The following ITIH4 variants were observed in gnomAD, a reference collection of about 807,000 sequenced individuals.
The protein encoded by ITIH4 is inter-alpha-trypsin inhibitor heavy chain 4.
A neutral mutation model predicts 111.8 loss-of-function variants in ITIH4; 79 were observed. The ratio of observed to expected loss-of-function variants is 0.71; its 90% CI spans 0.59 to 0.85. ITIH4 has a LOEUF of 0.85. ITIH4 is among the 40% of genes least tolerant of loss of function. The pLI is 0.00. For missense variants in ITIH4, 1,065 were observed against 1,195.8 expected, an observed-to-expected ratio of 0.89 and a Z score of 1.61; for synonymous variants, 472 against 468.3, an observed-to-expected ratio of 1.01 and a Z score of -0.10.
rs1266296699 is a variant in ITIH4 at position 52,813,502 on chromosome 3, A to G, written c.2724-12T>C. 1.2e-6 allele frequency: 2 copies of G among 1,613,056 alleles called. No individual in the cohort carries two copies. The highest frequency in any genetic ancestry group is 1.3e-5 in the African/African-American group (1 of 74,894). On this transcript the variant is annotated splice_polypyrimidine_tract_variant and intron_variant, in intron 23 of 23. Transcript: ENST00000266041. ...CCAGCCTGCGCTCTCTGAAATGGAA[A>G]GACAGACAGATAGGCAGGTGGTCAG...
intron 1 of ITIH4, chr3:52,830,125 C>T (rs960536531): frequency 2.9e-6 from 1 of 348,794 alleles, no homozygotes; most frequent in African/African-American, 2.1e-5. Flanking sequence ...TTCATAGATA[C>T]AATGGGTTTG....
chr3:52,826,143 T>A, intron 5 of ITIH4, 129 bp from the exon 6 acceptor site: 1 of 1,309,918 alleles, frequency 7.6e-7, no homozygotes, highest in Non-Finnish European at 1.0e-6. Flanking sequence ...TCCAGGGCAC[T>A]TTCTTTCAGG....
chr3:52,825,023 C>T, intron 6 of ITIH4, 65 bp from the exon 7 acceptor site: 2 of 1,089,202 alleles, frequency 1.8e-6, no homozygotes, highest in South Asian at 1.4e-5. Context: ...CCATTCAGCC[C>T]CTTTACCCCA....
chr3:52,830,470 G>A lies in ITIH4; in HGVS notation c.90+83C>T, dbSNP rs527485357. On this transcript the variant is annotated intron_variant, in intron 1 of 23. Transcript: ENST00000266041. Reference sequence around the variant, plus strand: ...GATGCACACGCACTTGTGCTGACACGCTGGCACATGCGGAGGCTCTTCCCC... The same window carrying A: ...GATGCACACGCACTTGTGCTGACACACTGGCACATGCGGAGGCTCTTCCCC... 45 of 1,305,922 alleles carry A rather than the reference G, an allele frequency of 3.4e-5. No individual in the cohort carries two copies. The East Asian group carries it at 3.7e-4, about 11-fold the overall frequency. The allele number at this position is 1,305,922 out of a possible 1,614,324, so 80.9% of individuals were successfully genotyped here.
intron 21 of ITIH4, 120 bp downstream of exon 21, chr3:52,816,764 T>A (rs1700283386): frequency 5.3e-6 from 5 of 948,208 alleles, no homozygotes; most frequent in Non-Finnish European, 8.1e-6. Flanking sequence ...TCTTTGCCCC[T>A]CCTGTGAGTG....
Position 52,813,408 on chromosome 3 carries a change from C to T in ITIH4, c.*13G>A. ...CCAAGTGTACAGGGTGGGCACAGCTCCTTCCATCAGAACTACAGCTCCACA... is the reference window on the plus strand; with the variant it reads ...CCAAGTGTACAGGGTGGGCACAGCTTCTTCCATCAGAACTACAGCTCCACA... On this transcript the variant is annotated 3_prime_UTR_variant, in exon 24 of 24. Coordinates refer to ENST00000266041, the MANE Select transcript of ITIH4 (RefSeq NM_002218.5). 1.2e-6 allele frequency: 2 copies of T among 1,613,752 alleles called. No individual in the cohort carries two copies. Among genetic ancestry groups the T allele is most frequent in the Non-Finnish European group, 1.7e-6 (2 of 1,179,654 alleles).
intron 3 of ITIH4, 62 bp from the exon 4 acceptor site, chr3:52,827,015 G>A: frequency 1.2e-6 from 2 of 1,612,330 alleles, no homozygotes; most frequent in Non-Finnish European, 1.7e-6. Flanking sequence ...TGGTAGAGGT[G>A]GGAGCAGGAC....
At chr3:52,820,839 T>C in intron 12 of ITIH4, 54 bp from the exon 13 acceptor site, 1 of 1,567,918 alleles carries the variant, frequency 6.4e-7, no homozygotes, top group East Asian at 2.2e-5. Flanking sequence ...GGAACAGATT[T>C]TCCATCCAGC....
Position 52,823,651 on chromosome 3 carries a change from A to C in ITIH4, c.1444T>G (p.Phe482Val). The change falls in exon 11 of 24, where the codon TTC (phenylalanine) becomes GTC (valine). Residue 482 changes from phenylalanine to valine, a missense_variant. Coordinates refer to ENST00000266041, the MANE Select transcript of ITIH4 (RefSeq NM_002218.5). ...TCTGAGCCCTTGAAGAGGAGCCGGA[A>C]GTTGTTCTGAGTGACCTCCTCCACG... ...NAVEEVTQNNFRLLFKGSEMV... is the reference protein window; with the variant it reads ...NAVEEVTQNNVRLLFKGSEMV... The C allele has an allele frequency of 6.2e-7, 1 of 1,614,154 alleles. No homozygotes were observed. The highest frequency in any genetic ancestry group is 8.5e-7 in the Non-Finnish European group (1 of 1,180,014).
rs1488490293 is a variant in ITIH4, at chr3:52,813,233, G to A, written c.*188C>T. 1 of 613,102 alleles carries A rather than the reference G, an allele frequency of 1.6e-6. No homozygotes were observed. The highest frequency in any genetic ancestry group is 2.9e-5 in the Admixed American group (1 of 34,286). The allele number at this position is 613,102 out of a possible 1,614,324, so 38.0% of individuals were successfully genotyped here. On this transcript the variant is annotated 3_prime_UTR_variant, in exon 24 of 24. Transcript: ENST00000266041. The stretch of plus-strand genomic sequence containing the variant: ...GTTCCACGATGCTAAGGTTCAGGAT[G>A]CGAGGTTGAGGCCCTAGGATTTGGC...
Position 52,816,949 on chromosome 3 carries a change from C to G in ITIH4, c.2406G>C (p.Val802=). 1 of 1,614,068 alleles carries G rather than the reference C, an allele frequency of 6.2e-7. No individual in the cohort carries two copies. Among genetic ancestry groups the G allele is most frequent in the Non-Finnish European group, 8.5e-7 (1 of 1,179,974 alleles). Residue 802 remains valine, a synonymous_variant, in exon 21 of 24, where the codon GTG becomes GTC. Transcript: ENST00000266041. ...VWVHASPEHV[V]VTRNRRSSAY... is the part of the protein sequence containing the mutation. The stretch of plus-strand genomic sequence containing the variant: ...CAGAGCTTCTTCGGTTCCGAGTCAC[C>G]ACCACGTGTTCAGGGGATGCGTGAA...
chr3:52,814,863 C>T (rs559552142), intron 21 of ITIH4, among the ~76,000 whole-genome samples: 2 of 152,308 alleles, frequency 1.3e-5, no homozygotes, highest in Admixed American at 6.5e-5. Flanking sequence ...GGATTACAGG[C>T]GTGAGCCACC....
intron 12 of ITIH4, 102 bp downstream of exon 12, chr3:52,820,889 G>A: frequency 6.5e-7 from 1 of 1,548,850 alleles, no homozygotes; most frequent in South Asian, 1.2e-5. Flanking sequence ...CTGGAGCTTG[G>A]ACATGATGCC....
At chr3:52,823,763 A>G (rs760981471) in intron 10 of ITIH4, 22 bp from the exon 11 acceptor site, 1 of 1,613,986 alleles carries the variant, frequency 6.2e-7, no homozygotes, top group Non-Finnish European at 8.5e-7. Flanking sequence ...GGGGTGTCAT[A>G]AAGGCTGGGC....
chr3:52,814,685 C>A (rs1262701390), intron 21 of ITIH4, among the ~76,000 whole-genome samples: 1 of 152,112 alleles, frequency 6.6e-6, no homozygotes, highest in African/African-American at 2.4e-5. Context: ...CTCCTCGGCT[C>A]AAGTGATTCT....
chr3:52,826,135 CA>C, intron 5 of ITIH4, 121 bp from the exon 6 acceptor site: 2 of 1,378,806 alleles, frequency 1.5e-6, no homozygotes, highest in East Asian at 2.5e-5. Context: ...GTCCGTATTC[CA>C]GGGCACTTTC....
intron 20 of ITIH4, 41 bp downstream of exon 20, chr3:52,818,011 T>G (rs200732795): frequency 8.2e-6 from 12 of 1,459,184 alleles, no homozygotes; most frequent in African/African-American, 4.2e-5. Context: ...GGTGGGTGTG[T>G]GCCAGTGGTG....
rs532310437 is a variant in ITIH4 at position 52,825,901 on chromosome 3, G to C, written c.744C>G (p.Ser248=). 2 of 1,613,906 alleles carry C rather than the reference G, an allele frequency of 1.2e-6. 1 individual carries two copies. The highest frequency in any genetic ancestry group is 4.5e-5 in the East Asian group (2 of 44,878). The change falls in exon 6 of 24, where the codon TCC becomes TCG. Residue 248 remains serine, a synonymous_variant. Coordinates refer to ENST00000266041, the MANE Select transcript of ITIH4 (RefSeq NM_002218.5). ...GTCCACCCACCTGAATGGAGCCCCC[G>C]GAGATGGCCCGGTCCACATCATAGC... ...IIRYDVDRAI[S]GGSIQIENGY...
In ITIH4 at chr3:52,819,755, T is replaced by A. The variant is rs774122096; in HGVS notation, c.1950A>T (p.Gln650His). ...CCCTGGCAGAAACCCTCAAACTACC[T>A]TGTCTATTCCATCCTCTTCTTGGAG... is the stretch of plus-strand genomic sequence containing the variant. Reference protein sequence around the residue: ...SFSPRRGWNRQAGAAGSRMNF... With the variant: ...SFSPRRGWNRHAGAAGSRMNF... The change falls in exon 16 of 24, where the codon CAA becomes CAT. Residue 650 changes from glutamine to histidine, a missense_variant and splice_region_variant. Coordinates refer to ENST00000266041, the MANE Select transcript of ITIH4 (RefSeq NM_002218.5). The A allele has an allele frequency of 6.2e-7, 1 of 1,614,034 alleles. No homozygotes were observed. Among genetic ancestry groups the A allele is most frequent in the Non-Finnish European group, 8.5e-7 (1 of 1,179,960 alleles).
Sources: gnomAD v4.1 joint callset for allele counts (sites outside exome capture counted in the v4.1 genomes callset) on GRCh38, gnomAD v4.1.1 for gene constraint, MANE v1.5 for transcripts, NCBI Gene and HGNC (gene_info 2026-07-23, HGNC 2026-07-21) for gene names.